The following CRACD variants were observed in gnomAD, a reference collection of about 807,000 sequenced individuals.
The protein encoded by CRACD is capping protein inhibiting regulator of actin dynamics, also known as capping protein-inhibiting regulator of actin dynamics.
A neutral mutation model predicts 106.8 loss-of-function variants in CRACD; 56 were observed. That is an observed-to-expected ratio of 0.52 (90% confidence interval 0.42 to 0.66). CRACD has a LOEUF of 0.66. CRACD is among the 30% of genes least tolerant of loss of function. The pLI is 0.00. For synonymous variants in CRACD, 754 were observed against 670.8 expected (o/e 1.12, Z -1.92); for missense variants, 1,730 against 1,623.2 (o/e 1.07, Z -1.13).
chr4:56,201,500 C>G (rs185914106), intron 2 of CRACD, among the ~76,000 whole-genome samples: 1 of 152,164 alleles, frequency 6.6e-6, no homozygotes, highest in Admixed American at 6.5e-5. Context: ...TTTCCAGTAG[C>G]ATTGATGGGA....
At chr4:56,310,780 C>T (rs373113361) in intron 6 of CRACD, 46 bp downstream of exon 6, 61 of 1,211,264 alleles carry the variant, frequency 5.0e-5, no homozygotes, top group Non-Finnish European at 6.7e-5. Flanking sequence ...CCTTACTTAA[C>T]TTTCATCTTC....
chr4:56,133,003 C>G (rs938021648), intron 1 of CRACD, among the ~76,000 whole-genome samples: 1 of 152,158 alleles, frequency 6.6e-6, no homozygotes, highest in South Asian at 2.1e-4. Context: ...CAATATCTGA[C>G]CTATTTTTTT....
chr4:56,330,548 T>C lies in CRACD; in HGVS notation c.*2744T>C, dbSNP rs572587831. Among the ~76,000 whole-genome samples, 18 of 152,302 alleles carry C rather than the reference T, an allele frequency of 1.2e-4. No individual in the cohort carries two copies. The highest frequency in any genetic ancestry group is 4.1e-4 in the African/African-American group (17 of 41,564). ...ATTTGCATATTTTAGTTGTATAAAG[T>C]TTTAATGTAAAATGTCCATTATTGA... On this transcript the variant is annotated 3_prime_UTR_variant, in exon 11 of 11. Transcript: ENST00000682029.
At chr4:56,238,745 A>C (rs1002010652) in intron 2 of CRACD, among the ~76,000 whole-genome samples, 1 of 152,210 alleles carries the variant, frequency 6.6e-6, no homozygotes, top group Non-Finnish European at 1.5e-5. Flanking sequence ...TGTCTTTGCC[A>C]ATCAGATTTT....
At chr4:56,258,626 G>T (rs958906100) in intron 2 of CRACD, among the ~76,000 whole-genome samples, 6 of 152,184 alleles carry the variant, frequency 3.9e-5, no homozygotes, top group Admixed American at 2.6e-4. Flanking sequence ...AAGCAATAAT[G>T]CTGTAGCCCC....
intron 2 of CRACD, among the ~76,000 whole-genome samples, chr4:56,238,579 A>AT (rs1267855004): frequency 6.6e-6 from 1 of 152,206 alleles, no homozygotes; most frequent in Non-Finnish European, 1.5e-5. Context: ...CATGGAGAGG[A>AT]TGGATATAGC....
At chr4:56,068,976 A>G (rs1732549501) in intron 1 of CRACD, among the ~76,000 whole-genome samples, 1 of 152,160 alleles carries the variant, frequency 6.6e-6, no homozygotes, top group African/African-American at 2.4e-5. Context: ...TCCAGTGACT[A>G]GTGTCCCTGT....
chr4:56,193,153 A>G (rs1737459234), intron 2 of CRACD, among the ~76,000 whole-genome samples: 1 of 152,176 alleles, frequency 6.6e-6, no homozygotes, highest in Non-Finnish European at 1.5e-5. Flanking sequence ...CAGGCAAGAG[A>G]GCTTGTGCAG....
chr4:56,183,295 T>C (rs182676615), intron 2 of CRACD, among the ~76,000 whole-genome samples: 1 of 149,358 alleles, frequency 6.7e-6, no homozygotes, highest in Non-Finnish European at 1.5e-5. Context: ...TAAAAAGAAT[T>C]AGGGGATTTT....
chr4:56,136,127 T>C (rs1006679717), intron 1 of CRACD, among the ~76,000 whole-genome samples: 1 of 152,180 alleles, frequency 6.6e-6, no homozygotes, highest in African/African-American at 2.4e-5. Flanking sequence ...TAGAGTAATA[T>C]TCTATTATAT....
At chr4:56,216,913 G>C (rs1738719633) in intron 2 of CRACD, among the ~76,000 whole-genome samples, 1 of 149,332 alleles carries the variant, frequency 6.7e-6, no homozygotes, top group African/African-American at 2.5e-5. Flanking sequence ...CCGGGAAGCG[G>C]AGCTTGCAGT....
At chr4:56,144,708 T>C (rs1372793038) in intron 1 of CRACD, among the ~76,000 whole-genome samples, 1 of 151,252 alleles carries the variant, frequency 6.6e-6, no homozygotes, top group Non-Finnish European at 1.5e-5. Context: ...CAGGCTGGAG[T>C]GCAGTGGCAC....
chr4:56,191,669 C>T (rs373695072), intron 2 of CRACD, among the ~76,000 whole-genome samples: 10 of 152,326 alleles, frequency 6.6e-5, no homozygotes, highest in East Asian at 5.8e-4. Context: ...ATGTGTTCTG[C>T]GGCAGCACTG....
At chr4:56,235,785 A>G (rs1446912441) in intron 2 of CRACD, among the ~76,000 whole-genome samples, 4 of 152,228 alleles carry the variant, frequency 2.6e-5, no homozygotes, top group Admixed American at 2.6e-4. Context: ...TTATGATACC[A>G]TTCACACAGG....
intron 4 of CRACD, among the ~76,000 whole-genome samples, chr4:56,299,405 C>G (rs1010724239): frequency 6.6e-6 from 1 of 152,082 alleles, no homozygotes; most frequent in Admixed American, 6.5e-5. Context: ...CACAGTGGCT[C>G]ACTCCTATAA....
chr4:56,066,544 G>GAAGT (rs542385851), intron 1 of CRACD, among the ~76,000 whole-genome samples: 3,545 of 152,198 alleles, frequency 0.023, 62 homozygotes, highest in Admixed American at 0.058. Context: ...CCCTGTCTCA[G>GAAGT]AACTAACTAA....
chr4:56,231,802 T>G (rs1739637775), intron 2 of CRACD, among the ~76,000 whole-genome samples: 1 of 152,234 alleles, frequency 6.6e-6, no homozygotes, highest in Non-Finnish European at 1.5e-5. Context: ...TTTACTTGGT[T>G]GTGTCCATTT....
intron 7 of CRACD, 50 bp from the exon 8 acceptor site, chr4:56,313,990 T>G: frequency 6.3e-7 from 1 of 1,576,800 alleles, no homozygotes; most frequent in Non-Finnish European, 8.6e-7. Context: ...AAGGAACGAC[T>G]GTGGGTGGAG....
intron 1 of CRACD, among the ~76,000 whole-genome samples, chr4:56,163,566 A>C (rs1245269308): frequency 2.6e-5 from 4 of 152,154 alleles, no homozygotes; most frequent in African/African-American, 9.7e-5. Flanking sequence ...GAAGCACTTT[A>C]AAAATTTTTG....
Sources: allele counts gnomAD v4.1 joint callset (sites outside exome capture counted in the v4.1 genomes callset), GRCh38; gene constraint gnomAD v4.1.1; transcripts MANE v1.5; gene names NCBI Gene and HGNC (gene_info 2026-07-23, HGNC 2026-07-21).